RP1: variants seen among roughly 807,000 people sequenced by gnomAD.
RP1 encodes the protein RP1 axonemal microtubule associated, also known as oxygen-regulated protein 1.
In RP1, 16 loss-of-function variants were observed where a neutral mutation model predicts 14.8. The observed-to-expected ratio is 1.08, with a 90% confidence interval of 0.73 to 1.65. The LOEUF (loss-of-function observed/expected upper bound fraction) is 1.65, where lower values mean the gene tolerates loss of function less well. Ranked by LOEUF, RP1 falls within the 40% of genes most tolerant of loss-of-function variation. The pLI is 0.00. For missense variants in RP1, 2,631 were observed against 2,535.0 expected, an observed-to-expected ratio of 1.04 and a Z score of -0.81; for synonymous variants, 876 against 883.6, an observed-to-expected ratio of 0.99 and a Z score of 0.15.
intron 25 of RP1, among the ~76,000 whole-genome samples, chr8:54,843,441 T>C (rs1367815723): frequency 6.6e-6 from 1 of 152,068 alleles, no homozygotes; most frequent in Admixed American, 6.6e-5. Context: ...CAGAGGATGA[T>C]GCAGCCCCAA....
chr8:54,615,596 G>T (rs1170162366), upstream of RP1, among the ~76,000 whole-genome samples: 1 of 152,174 alleles, frequency 6.6e-6, no homozygotes, highest in East Asian at 1.9e-4. Context: ...TGCTTCTGCT[G>T]TTTGTCCTGC....
At chr8:54,563,923 A>G (rs758903513) in intron 1 of RP1, among the ~76,000 whole-genome samples, 2 of 152,218 alleles carry the variant, frequency 1.3e-5, no homozygotes, top group Non-Finnish European at 2.9e-5. Flanking sequence ...GCAAATGGAA[A>G]TAGCAACAAA....
At chr8:54,755,412 G>T (rs1809478008) in intron 20 of RP1, among the ~76,000 whole-genome samples, 1 of 151,914 alleles carries the variant, frequency 6.6e-6, no homozygotes, top group Non-Finnish European at 1.5e-5. Context: ...TAAACCTTCT[G>T]GCCTTTTGCA....
chr8:54,755,647 T>C (rs770582038), exon 21 of RP1: 1 of 1,536,072 alleles, frequency 6.5e-7, no homozygotes, highest in South Asian at 1.2e-5. Context: ...ACGTCTACAC[T>C]GGGCAGCTGA....
intron 12 of RP1, chr8:54,679,959 G>A: frequency 1.3e-6 from 2 of 1,533,260 alleles, no homozygotes; most frequent in Middle Eastern, 1.7e-4. Context: ...AAAGCTTGTG[G>A]TGCTGGACAG....
intron 4 of RP1, among the ~76,000 whole-genome samples, chr8:54,650,490 A>G (rs936387023): frequency 1.3e-5 from 2 of 152,174 alleles, no homozygotes; most frequent in Non-Finnish European, 2.9e-5. Flanking sequence ...ATTTAGTGGC[A>G]TATAGTACAT....
At chr8:54,797,326 A>T (rs1193074326) in intron 24 of RP1, among the ~76,000 whole-genome samples, 1 of 152,210 alleles carries the variant, frequency 6.6e-6, no homozygotes. Flanking sequence ...AATAGTTGTG[A>T]TAATAGACGT....
chr8:54,610,833 C>T lies in RP1; in HGVS notation c.-12-10122C>T, dbSNP rs142297760. Among the ~76,000 whole-genome samples, 609 of 152,294 alleles carry T rather than the reference C, an allele frequency of 4.0e-3. 2 individuals carry two copies. Among genetic ancestry groups the T allele is most frequent in the Non-Finnish European group, 5.2e-3 (356 of 68,032 alleles). On this transcript the variant is annotated intron_variant, in intron 1 of 22. Transcript: ENST00000636932. The stretch of plus-strand genomic sequence containing the variant: ...ATTATTACAATGCCCTCCTAATTGG[C>T]GTACCTGAATTTCTTTTTTTACAAT...
rs149556128 is a variant in RP1 at position 54,607,392 on chromosome 8, T to C, written c.-12-13563T>C. 2.4e-3 allele frequency among the ~76,000 whole-genome samples: 370 copies of C among 152,294 alleles called. 2 individuals carry two copies. Among genetic ancestry groups the C allele is most frequent in the African/African-American group, 8.4e-3 (351 of 41,568 alleles). On this transcript the variant is annotated intron_variant, in intron 1 of 22. Coordinates refer to the RP1 transcript ENST00000636932. The stretch of plus-strand genomic sequence containing the variant: ...TGAACAGCAAATGTTACTGCCTGAT[T>C]GTTCCTTTGGAAGTTTTGTCTCAGA...
chr8:54,859,833 A>T (rs1812300084), intron 27 of RP1, among the ~76,000 whole-genome samples: 1 of 152,222 alleles, frequency 6.6e-6, no homozygotes, highest in Non-Finnish European at 1.5e-5. Flanking sequence ...ATGGATATTC[A>T]GGATAGCTAG....
intron 3 of RP1, among the ~76,000 whole-genome samples, chr8:54,623,739 C>A (rs1303098779): frequency 6.6e-6 from 1 of 152,208 alleles, no homozygotes; most frequent in Admixed American, 6.5e-5. Context: ...AACGATTATA[C>A]AAAGTGCATG....
chr8:54,598,073 A>G (rs1462012533), intron 1 of RP1, among the ~76,000 whole-genome samples: 5 of 152,156 alleles, frequency 3.3e-5, no homozygotes, highest in African/African-American at 1.2e-4. Context: ...CTCTGTAATT[A>G]TGACATTTTG....
Position 54,625,812 on chromosome 8 carries a change from A to G in RP1, c.1930A>G (p.Arg644Gly). The G allele has an allele frequency of 2.5e-6, 4 of 1,613,464 alleles. No individual in the cohort carries two copies. Among genetic ancestry groups the G allele is most frequent in the Non-Finnish European group, 3.4e-6 (4 of 1,179,988 alleles). ...ASSTVTARIDRLINEFAQCGL... is the reference protein window; with the variant it reads ...ASSTVTARIDGLINEFAQCGL... ...CTCTACTGTCACTGCAAGAATTGAC[A>G]GACTAATTAATGAATTTGCTCAGTG... Residue 644 changes from arginine to glycine, a missense_variant, in exon 4 of 4, where the codon AGA (arginine) becomes GGA (glycine). Physicochemically the swap from Arg to Gly is moderately radical, Grantham distance 125. Transcript: ENST00000220676.
At chr8:54,613,155 T>G (rs2129310815), upstream of RP1, among the ~76,000 whole-genome samples, 1 of 152,294 alleles carries the variant, frequency 6.6e-6, no homozygotes, top group African/African-American at 2.4e-5. Flanking sequence ...GGAATGGGTT[T>G]TTACAGGGAA....
intron 25 of RP1, among the ~76,000 whole-genome samples, chr8:54,847,607 C>T (rs918219177): frequency 2.0e-5 from 3 of 152,254 alleles, no homozygotes; most frequent in Admixed American, 6.5e-5. Context: ...GCAGCAGGCA[C>T]TATAGCTGCT....
chr8:54,652,908 C>T (rs768798451), intron 5 of RP1: 7 of 1,350,254 alleles, frequency 5.2e-6, no homozygotes, highest in African/African-American at 1.4e-5. Flanking sequence ...GCAAAATCCT[C>T]TGCATATTCC....
chr8:54,635,766 C>T (rs142386029), downstream of RP1, among the ~76,000 whole-genome samples: 429 of 152,250 alleles, frequency 2.8e-3, 3 homozygotes, highest in African/African-American at 7.9e-3. Flanking sequence ...TAAAATGTAA[C>T]GGTCAACACC....
At chr8:54,707,035 C>T (rs551070200) in intron 15 of RP1, among the ~76,000 whole-genome samples, 1 of 152,348 alleles carries the variant, frequency 6.6e-6, no homozygotes, top group South Asian at 2.1e-4. Context: ...GCCAGCTCAA[C>T]AGTGTCTCCT....
At chr8:54,597,976 T>A (rs1020249538) in intron 1 of RP1, among the ~76,000 whole-genome samples, 3 of 152,108 alleles carry the variant, frequency 2.0e-5, no homozygotes, top group African/African-American at 4.8e-5. Flanking sequence ...TTCATAAAGA[T>A]CTTGCTTGAG....
Sources: allele counts gnomAD v4.1 joint callset (sites outside exome capture counted in the v4.1 genomes callset), GRCh38; gene constraint gnomAD v4.1.1; transcripts MANE v1.5; gene names NCBI Gene and HGNC (gene_info 2026-07-23, HGNC 2026-07-21).